Variants in MAD1L1 observed in about 807,000 individuals in gnomAD.
MAD1L1 encodes mitotic arrest deficient 1 like 1.
A neutral mutation model predicts 96.9 loss-of-function variants in MAD1L1; 95 were observed. That is an observed-to-expected ratio of 0.98 (90% CI 0.83 to 1.16). MAD1L1 has a LOEUF of 1.16. Among genes scored for constraint, MAD1L1 ranks in the 50% most tolerant of loss-of-function variants. MAD1L1 has a pLI of 0.00. For synonymous variants in MAD1L1, 473 were observed against 396.6 expected (o/e 1.19, Z -2.29); for missense variants, 1,007 against 954.4 (o/e 1.06, Z -0.73).
At chr7:2,164,619 A>AGGGGGG (rs1766123088) in intron 10 of MAD1L1, among the ~76,000 whole-genome samples, 1 of 142,104 alleles carries the variant, frequency 7.0e-6, no homozygotes, top group African/African-American at 2.7e-5. Flanking sequence ...TGCGGGTGGT[A>AGGGGGG]GAGGAAAAAT....
chr7:1,982,015 C>T lies in MAD1L1; in HGVS notation c.1417-1474G>A, dbSNP rs572351934. 3.2e-3 allele frequency among the ~76,000 whole-genome samples: 490 copies of T among 152,198 alleles called. 3 individuals carry two copies. Among genetic ancestry groups the T allele is most frequent in the Non-Finnish European group, 5.7e-3 (386 of 68,000 alleles). On this transcript the variant is annotated intron_variant, in intron 14 of 18. Coordinates refer to ENST00000265854, the MANE Select transcript of MAD1L1 (RefSeq NM_001013836.2). ...ACTTCCAACCCCAGCGCCCCAGGCC[C>T]CCGACTCTCAGCCAGCCAACGTTCT...
At chr7:2,112,601 A>T (rs1244487533) in intron 11 of MAD1L1, among the ~76,000 whole-genome samples, 1 of 152,178 alleles carries the variant, frequency 6.6e-6, no homozygotes, top group Non-Finnish European at 1.5e-5. Flanking sequence ...GTGTGCTGAC[A>T]CCTGGGCTTC....
At chr7:2,126,375 A>G (rs1788231651) in intron 11 of MAD1L1, among the ~76,000 whole-genome samples, 1 of 152,172 alleles carries the variant, frequency 6.6e-6, no homozygotes, top group South Asian at 2.1e-4. Flanking sequence ...GGGCATGCAC[A>G]GAAAGGGCAG....
At chr7:2,170,968 A>G (rs2128594771) in intron 10 of MAD1L1, among the ~76,000 whole-genome samples, 1 of 152,316 alleles carries the variant, frequency 6.6e-6, no homozygotes, top group Admixed American at 6.5e-5. Context: ...GTTATAGGTG[A>G]TCAAACGCAA....
chr7:2,140,288 G>C (rs1466517425), intron 11 of MAD1L1, among the ~76,000 whole-genome samples: 1 of 152,174 alleles, frequency 6.6e-6, no homozygotes, highest in African/African-American at 2.4e-5. Flanking sequence ...AGTGACTCCA[G>C]CACCCCTCCA....
intron 10 of MAD1L1, among the ~76,000 whole-genome samples, chr7:2,151,485 C>G (rs958122835): frequency 1.5e-4 from 23 of 152,344 alleles, no homozygotes; most frequent in Non-Finnish European, 2.6e-4. Flanking sequence ...GTTCTCCCAG[C>G]TGGGATGGTT....
intron 12 of MAD1L1, among the ~76,000 whole-genome samples, chr7:2,059,586 G>A (rs1414393365): frequency 1.3e-5 from 2 of 148,844 alleles, no homozygotes; most frequent in Admixed American, 6.7e-5. Flanking sequence ...GAGGGGAGAG[G>A]AGAGGCACGG....
chr7:2,208,343 T>C (rs1792707726), intron 10 of MAD1L1, among the ~76,000 whole-genome samples: 1 of 151,732 alleles, frequency 6.6e-6, no homozygotes, highest in East Asian at 1.9e-4. Flanking sequence ...TAGATAATTA[T>C]GTTGTCTCCA....
intron 10 of MAD1L1, among the ~76,000 whole-genome samples, chr7:2,175,824 C>A (rs1462406504): frequency 6.6e-6 from 1 of 151,854 alleles, no homozygotes; most frequent in East Asian, 1.9e-4. Flanking sequence ...TGTAAGCATG[C>A]AAAATAAACC....
intron 18 of MAD1L1, among the ~76,000 whole-genome samples, chr7:1,861,251 G>C (rs1428736296): frequency 6.6e-6 from 1 of 152,212 alleles, no homozygotes; most frequent in Non-Finnish European, 1.5e-5. Context: ...GTGGGGGCTG[G>C]GCTGAGACCG....
intron 11 of MAD1L1, among the ~76,000 whole-genome samples, chr7:2,127,784 G>A (rs771697115): frequency 1.1e-4 from 16 of 152,262 alleles, no homozygotes; most frequent in Admixed American, 2.0e-4. Flanking sequence ...CACTGTGGGC[G>A]TCAGGGGAGC....
rs1779170910 is a variant in MAD1L1, at chr7:1,945,165, G to A, written c.1597-8268C>T. On this transcript the variant is annotated intron_variant, in intron 16 of 18. Coordinates refer to ENST00000265854, the MANE Select transcript of MAD1L1 (RefSeq NM_001013836.2). ...CCCGCTCAGCAGGGGCCCAGCAGAG[G>A]CCGGCTGCCAAGGGTGACTGCTGTT... Among the ~76,000 whole-genome samples the A allele has an allele frequency of 2.6e-5, 4 of 152,224 alleles. No homozygotes were observed. The South Asian group carries it at 8.3e-4, about 32-fold the overall frequency.
In MAD1L1 at chr7:2,128,339, G is replaced by A. The variant is rs376609242; in HGVS notation, c.1073+20813C>T. Among the ~76,000 whole-genome samples the A allele has an allele frequency of 2.6e-3, 399 of 152,220 alleles. 2 individuals carry two copies. Among genetic ancestry groups the A allele is most frequent in the Non-Finnish European group, 4.8e-3 (327 of 68,014 alleles). On this transcript the variant is annotated intron_variant, in intron 11 of 18. Transcript: ENST00000265854. ...AGGGCCATCCATGCCTAGAGTCCCCGAAATGCAGCCCTGGTGCCAGAAAGA... is the reference window on the plus strand; with the variant it reads ...AGGGCCATCCATGCCTAGAGTCCCCAAAATGCAGCCCTGGTGCCAGAAAGA...
intron 11 of MAD1L1, among the ~76,000 whole-genome samples, chr7:2,092,593 T>A (rs142263162): frequency 1.3e-5 from 2 of 152,302 alleles, no homozygotes; most frequent in East Asian, 3.9e-4. Context: ...CCTCTGGATA[T>A]CAGTGACTGT....
At chr7:2,006,894 C>A (rs561525460) in intron 13 of MAD1L1, among the ~76,000 whole-genome samples, 1 of 152,150 alleles carries the variant, frequency 6.6e-6, no homozygotes, top group Non-Finnish European at 1.5e-5. Context: ...ACACCCCCCA[C>A]CTCAGTCCCC....
chr7:1,837,950 G>T (rs1162917090), intron 18 of MAD1L1, among the ~76,000 whole-genome samples: 1 of 152,218 alleles, frequency 6.6e-6, no homozygotes, highest in Non-Finnish European at 1.5e-5. Flanking sequence ...TCGGGGGCAG[G>T]TCCAGCTGTC....
chr7:1,946,733 C>T, intron 16 of MAD1L1, among the ~76,000 whole-genome samples: 1 of 152,354 alleles, frequency 6.6e-6, no homozygotes, highest in East Asian at 1.9e-4. Flanking sequence ...GTCCAAGCTC[C>T]CCTCCAGGCT....
intron 10 of MAD1L1, among the ~76,000 whole-genome samples, chr7:2,154,141 C>T (rs1440507941): frequency 1.3e-5 from 2 of 152,064 alleles, no homozygotes; most frequent in Non-Finnish European, 2.9e-5. Flanking sequence ...GGCAACAGAG[C>T]AAGACTCCAT....
chr7:2,093,157 A>C (rs1786300637), intron 11 of MAD1L1, among the ~76,000 whole-genome samples: 1 of 150,182 alleles, frequency 6.7e-6, no homozygotes, highest in South Asian at 2.1e-4. Context: ...AGGCGGAAGA[A>C]TCGCTTAAAC....
Sources: gnomAD v4.1 joint callset for allele counts (sites outside exome capture counted in the v4.1 genomes callset) on GRCh38, gnomAD v4.1.1 for gene constraint, MANE v1.5 for transcripts, NCBI Gene and HGNC (gene_info 2026-07-23, HGNC 2026-07-21) for gene names.